MPDZ: variants seen among roughly 807,000 people sequenced by gnomAD.
MPDZ encodes multiple PDZ domain crumbs cell polarity complex component, also known as multiple PDZ domain protein.
A neutral mutation model predicts 239.1 loss-of-function variants in MPDZ; 234 were observed. The ratio of observed to expected loss-of-function variants is 0.98; its 90% confidence interval spans 0.88 to 1.09. The LOEUF is 1.09. Ranked by LOEUF, MPDZ falls within the 50% of genes least tolerant of loss-of-function variation. The pLI, the probability that MPDZ is intolerant of heterozygous loss-of-function variation, is 0.00. For synonymous variants in MPDZ, 1,048 were observed against 881.3 expected (o/e 1.19, Z -3.35); for missense variants, 3,175 against 2,510.0 (o/e 1.26, Z -5.66).
chr9:13,241,924 C>G (rs550310261), intron 3 of MPDZ, among the ~76,000 whole-genome samples: 3 of 152,190 alleles, frequency 2.0e-5, no homozygotes, highest in African/African-American at 7.2e-5. Context: ...ATATTTGAAG[C>G]TGAACCTCTG....
intron 3 of MPDZ, among the ~76,000 whole-genome samples, chr9:13,242,215 C>CTTTTTT (rs145555644): frequency 2.0e-5 from 1 of 50,754 alleles, no homozygotes; most frequent in Non-Finnish European, 3.3e-5. Flanking sequence ...TGTTAGGATG[C>CTTTTTT]TTTTTTTTTT....
intron 22 of MPDZ, among the ~76,000 whole-genome samples, chr9:13,165,185 C>G (rs955126117): frequency 1.3e-5 from 2 of 152,122 alleles, no homozygotes; most frequent in African/African-American, 4.8e-5. Context: ...GAAAACGTAA[C>G]AATCTCATAG....
chr9:13,111,226 T>C (rs1404912160), intron 43 of MPDZ, among the ~76,000 whole-genome samples: 6 of 152,060 alleles, frequency 3.9e-5, no homozygotes, highest in African/African-American at 4.8e-5. Flanking sequence ...CAGCGCAGAG[T>C]TGAGTAGTTG....
intron 25 of MPDZ, among the ~76,000 whole-genome samples, chr9:13,148,998 C>T (rs1327279508): frequency 6.6e-6 from 1 of 151,112 alleles, no homozygotes; most frequent in Non-Finnish European, 1.5e-5. Flanking sequence ...AAAAAAAAAT[C>T]TCTTTTGCTA....
chr9:13,187,813 T>C (rs557032748), intron 17 of MPDZ, among the ~76,000 whole-genome samples: 64 of 151,920 alleles, frequency 4.2e-4, no homozygotes, highest in African/African-American at 1.5e-3. Context: ...ATTGAGAACA[T>C]CTCTAATATT....
chr9:13,196,354 G>A (rs1256856646), intron 12 of MPDZ, 124 bp from the exon 13 acceptor site: 5 of 528,902 alleles, frequency 9.5e-6, no homozygotes, highest in Non-Finnish European at 1.3e-5. Context: ...CCCAATATAT[G>A]GGCTATTCTC....
At chr9:13,219,968 C>T (rs1001436674) in intron 7 of MPDZ, among the ~76,000 whole-genome samples, 200 bp from the exon 8 acceptor site, 22 of 152,050 alleles carry the variant, frequency 1.4e-4, no homozygotes, top group Admixed American at 1.2e-3. Context: ...ATGAAATTCA[C>T]ATATAGTCTT....
At chr9:13,264,214 T>C (rs1299103772) in intron 1 of MPDZ, among the ~76,000 whole-genome samples, 3 of 152,178 alleles carry the variant, frequency 2.0e-5, no homozygotes. Flanking sequence ...TTATTTTTAT[T>C]TTTAAGATGG....
intron 1 of MPDZ, among the ~76,000 whole-genome samples, chr9:13,271,367 T>G (rs960914777): frequency 2.6e-5 from 4 of 152,162 alleles, no homozygotes; most frequent in African/African-American, 9.7e-5. Flanking sequence ...GCATCAGTAT[T>G]ATTTTGAACT....
chr9:13,146,190 C>G (rs1386488309), intron 26 of MPDZ, among the ~76,000 whole-genome samples: 2 of 151,958 alleles, frequency 1.3e-5, no homozygotes, highest in African/African-American at 4.8e-5. Flanking sequence ...TGTTGAAGTG[C>G]TTACATTAAA....
In MPDZ at chr9:13,215,476, T is replaced by G. The variant is rs147443505; in HGVS notation, c.1290+1298A>C. ...ATATCACATTTTGTTTATCCATTCA[T>G]AGATATTTGGGTTGCTTCCATGTCG... On this transcript the variant is annotated intron_variant, in intron 10 of 46. Transcript: ENST00000319217. 2.6e-4 allele frequency among the ~76,000 whole-genome samples: 39 copies of G among 151,178 alleles called. 1 individual carries two copies. The East Asian group carries it at 7.2e-3, about 28-fold the overall frequency.
intron 38 of MPDZ, 114 bp from the exon 39 acceptor site, chr9:13,119,763 A>T: frequency 7.9e-7 from 1 of 1,269,782 alleles, no homozygotes; most frequent in East Asian, 2.5e-5. Context: ...TGACTTTAAA[A>T]GTTTTGTTAT....
At position 13,273,247 on chromosome 9, in the gene MPDZ, G is replaced by A. The variant is rs1330135; in HGVS notation, c.-58+6153C>T. ...GCACCCGAAATGAACTAAAACAGGG[G>A]CCTAGCAAGGTATAAGAGAAACTGG... On this transcript the variant is annotated intron_variant, in intron 1 of 46. Transcript: ENST00000319217. 5.4e-3 allele frequency among the ~76,000 whole-genome samples: 828 copies of A among 152,264 alleles called. 6 individuals are homozygous for A. Among genetic ancestry groups the A allele is most frequent in the African/African-American group, 0.018 (742 of 41,548 alleles).
chr9:13,183,940 G>T (rs892942311), intron 18 of MPDZ, among the ~76,000 whole-genome samples: 5 of 151,916 alleles, frequency 3.3e-5, no homozygotes, highest in Non-Finnish European at 7.4e-5. Flanking sequence ...TAATAAAATT[G>T]TGTCATAATT....
In MPDZ at chr9:13,106,910, T is replaced by A; in HGVS notation, c.*55A>T. The A allele has an allele frequency of 6.3e-7, 1 of 1,588,686 alleles. No homozygotes were observed. The highest frequency in any genetic ancestry group is 8.6e-7 in the Non-Finnish European group (1 of 1,159,850). ...AAAAATTGTCAGGACCAGTGCATTCTCTTTACAGTAGGAGGTGAGCTAGGG... is the reference window on the plus strand; with the variant it reads ...AAAAATTGTCAGGACCAGTGCATTCACTTTACAGTAGGAGGTGAGCTAGGG... On this transcript the variant is annotated 3_prime_UTR_variant, in exon 47 of 47. Coordinates refer to ENST00000319217, the MANE Select transcript of MPDZ (RefSeq NM_001378778.1).
At chr9:13,118,694 A>T (rs894327601) in intron 39 of MPDZ, among the ~76,000 whole-genome samples, 5 of 152,252 alleles carry the variant, frequency 3.3e-5, no homozygotes, top group Non-Finnish European at 1.5e-5. Flanking sequence ...AAACTGGAAT[A>T]TTCCCTGACA....
intron 1 of MPDZ, 86 bp downstream of exon 1, chr9:13,279,314 G>T (rs1198983531): frequency 1.7e-5 from 2 of 117,634 alleles, no homozygotes; most frequent in African/African-American, 5.8e-5. Flanking sequence ...CCGAGCCCAG[G>T]GCGCCCGCGC....
At chr9:13,265,442 G>GC (rs1296936125) in intron 1 of MPDZ, among the ~76,000 whole-genome samples, 2 of 152,192 alleles carry the variant, frequency 1.3e-5, no homozygotes, top group Non-Finnish European at 2.9e-5. Flanking sequence ...GGTGGCGCAT[G>GC]CCTGTAATCC....
intron 19 of MPDZ, among the ~76,000 whole-genome samples, chr9:13,182,884 T>C (rs986696600): frequency 1.3e-5 from 2 of 152,166 alleles, no homozygotes; most frequent in South Asian, 4.1e-4. Context: ...AAATTCTTCG[T>C]TCACATCCAG....
Sources: allele counts gnomAD v4.1 joint callset (sites outside exome capture counted in the v4.1 genomes callset), GRCh38; gene constraint gnomAD v4.1.1; transcripts MANE v1.5; gene names NCBI Gene and HGNC (gene_info 2026-07-23, HGNC 2026-07-21).